The following DCAF6 variants were observed in gnomAD, a reference collection of about 807,000 sequenced individuals.
The protein encoded by DCAF6 is DDB1 and CUL4 associated factor 6, also known as DDB1- and CUL4-associated factor 6.
DCAF6 carries 54 observed loss-of-function variants against 125.1 expected under a neutral mutation model. The observed-to-expected ratio is 0.43, with a 90% CI of 0.35 to 0.54. The LOEUF (loss-of-function observed/expected upper bound fraction) is 0.54, where lower values mean the gene tolerates loss of function less well. DCAF6 is among the 20% of genes least tolerant of loss of function. DCAF6 has a pLI of 0.01. For synonymous variants in DCAF6, 371 were observed against 390.4 expected (o/e 0.95, Z 0.58); for missense variants, 934 against 1,161.7 (o/e 0.80, Z 2.85).
At chr1:167,885,836 G>A in the DCAF6 span, among the ~76,000 whole-genome samples, 23 of 152,114 alleles carry the variant, frequency 1.5e-4, no homozygotes, top group African/African-American at 4.8e-4. Flanking sequence ...GGCTGGTCTT[G>A]AACTCCTGAT....
chr1:168,044,591 C>T lies in DCAF6; in HGVS notation c.1850C>T (p.Pro617Leu), dbSNP rs1226230613. 4.3e-6 allele frequency: 7 copies of T among 1,611,664 alleles called. 1 individual carries two copies. The South Asian group carries it at 7.7e-5, about 18-fold the overall frequency. The change falls in exon 15 of 22, where the codon CCT becomes CTT. Residue 617 changes from proline to leucine, a missense_variant. Pro to Leu is a moderately conservative substitution (Grantham distance 98, BLOSUM62 -3). Around this residue, in one of 5 missense-constraint regions of DCAF6, gnomAD observed 559 missense variants for 635.5 expected, o/e 0.88. Coordinates refer to ENST00000367840, the MANE Select transcript of DCAF6 (RefSeq NM_001198956.2). ...PPEGDSETKA[P>L]EESSEDVTKY... is the part of the protein sequence containing the mutation. ...TAATTTGGTTTACTTACAGAAGCTC[C>T]TGAAGAATCATCAGAGGATGTGACA...
At chr1:167,933,564 A>C (rs538575328), upstream of DCAF6, among the ~76,000 whole-genome samples, 1 of 152,362 alleles carries the variant, frequency 6.6e-6, no homozygotes, top group South Asian at 2.1e-4. Context: ...CCAACTGTTA[A>C]TATTGTAGCA....
chr1:167,980,555 C>T (rs1298380112), intron 4 of DCAF6, among the ~76,000 whole-genome samples: 1 of 152,102 alleles, frequency 6.6e-6, no homozygotes, highest in African/African-American at 2.4e-5. Flanking sequence ...TTTCATTTCC[C>T]CAAAGATTAC....
the DCAF6 span, among the ~76,000 whole-genome samples, chr1:167,888,694 G>A: frequency 1.3e-5 from 2 of 152,030 alleles, no homozygotes; most frequent in Non-Finnish European, 2.9e-5. Flanking sequence ...GGCTAACACG[G>A]TGAAACCTCG....
intron 3 of DCAF6, among the ~76,000 whole-genome samples, chr1:167,972,190 A>T (rs189653466): frequency 1.3e-5 from 2 of 152,350 alleles, no homozygotes; most frequent in East Asian, 3.9e-4. Context: ...CCAAGTACAC[A>T]TAAATATTTT....
At chr1:168,017,372 C>G (rs565129358) in intron 11 of DCAF6, among the ~76,000 whole-genome samples, 40 of 152,014 alleles carry the variant, frequency 2.6e-4, no homozygotes, top group Non-Finnish European at 5.2e-4. Flanking sequence ...AGATTACAAA[C>G]TTAGTATTAA....
intron 3 of DCAF6, 131 bp from the exon 4 acceptor site, chr1:167,974,699 G>A (rs1571748153): frequency 1.7e-6 from 1 of 600,922 alleles, no homozygotes; most frequent in East Asian, 3.4e-5. Context: ...ATAATAGCTT[G>A]CAGTCTAGTG....
chr1:167,902,178 C>A, the DCAF6 span: 26 of 966,888 alleles, frequency 2.7e-5, no homozygotes, highest in Non-Finnish European at 4.0e-5. Context: ...TAGGCTTATA[C>A]TAAAGATCTC....
chr1:167,974,787 G>A, intron 3 of DCAF6, 43 bp from the exon 4 acceptor site: 1 of 1,393,736 alleles, frequency 7.2e-7, no homozygotes, highest in Non-Finnish European at 9.5e-7. Flanking sequence ...ATATTTCTAG[G>A]AAATAATAAG....
chr1:168,001,780 G>A (rs57936134), intron 7 of DCAF6, among the ~76,000 whole-genome samples: 16,492 of 152,158 alleles, frequency 0.11, 1,009 homozygotes, highest in African/African-American at 0.16. Flanking sequence ...GAAATAAAAA[G>A]CACAGATGGA....
chr1:167,905,696 TA>T, the DCAF6 span, among the ~76,000 whole-genome samples: 34 of 152,068 alleles, frequency 2.2e-4, no homozygotes, highest in African/African-American at 8.0e-4. Context: ...ATTAAGACTA[TA>T]AAGGTATAAT....
chr1:167,934,298 T>C (rs1319112862), upstream of DCAF6, among the ~76,000 whole-genome samples: 1 of 152,202 alleles, frequency 6.6e-6, no homozygotes, highest in African/African-American at 2.4e-5. Context: ...GTCATGCCCT[T>C]ATCCTACAGC....
chr1:168,066,761 CA>C (rs1228864798), intron 20 of DCAF6, among the ~76,000 whole-genome samples: 1 of 151,992 alleles, frequency 6.6e-6, no homozygotes, highest in African/African-American at 2.4e-5. Context: ...AAGAATCACA[CA>C]CAAAAAAATC....
intron 11 of DCAF6, among the ~76,000 whole-genome samples, chr1:168,019,165 C>T (rs1049073907): frequency 4.0e-5 from 6 of 150,834 alleles, no homozygotes; most frequent in Non-Finnish European, 5.9e-5. Flanking sequence ...TCTCTTGCCT[C>T]AGCCTCCCAA....
intron 16 of DCAF6, among the ~76,000 whole-genome samples, chr1:168,050,017 G>T (rs1572097748): frequency 6.8e-6 from 1 of 146,762 alleles, no homozygotes; most frequent in Non-Finnish European, 1.5e-5. Context: ...CGGCCTGATT[G>T]GTAGCTCTTA....
chr1:167,938,123 G>A (rs1189186988), intron 1 of DCAF6, among the ~76,000 whole-genome samples: 1 of 152,118 alleles, frequency 6.6e-6, no homozygotes, highest in African/African-American at 2.4e-5. Context: ...TAAAAATGAA[G>A]CAAAAATCCC....
chr1:167,986,355 T>C (rs769539041), intron 4 of DCAF6, among the ~76,000 whole-genome samples: 71 of 152,312 alleles, frequency 4.7e-4, no homozygotes, highest in Non-Finnish European at 8.8e-4. Context: ...CATCAACACT[T>C]GATATTATAA....
chr1:167,877,446 T>C, the DCAF6 span, among the ~76,000 whole-genome samples: 1 of 152,000 alleles, frequency 6.6e-6, no homozygotes, highest in South Asian at 2.1e-4. Flanking sequence ...CCTGGTTCTG[T>C]TATCTGACTC....
the DCAF6 span, among the ~76,000 whole-genome samples, chr1:167,910,807 C>T: frequency 6.6e-6 from 1 of 152,158 alleles, no homozygotes; most frequent in East Asian, 1.9e-4. Flanking sequence ...CTCTCCTGCC[C>T]CCAGTTCACT....
Sources: gnomAD v4.1 joint callset for allele counts (sites outside exome capture counted in the v4.1 genomes callset) on GRCh38, gnomAD v4.1.1 for gene constraint, gnomAD v4.1.1 regional missense constraint, MANE v1.5 for transcripts, NCBI Gene and HGNC (gene_info 2026-07-23, HGNC 2026-07-21) for gene names.